Variants in ATXN3 observed in about 807,000 individuals in gnomAD.
ATXN3 encodes the protein ataxin-3.
In ATXN3, 28 loss-of-function variants were observed where a neutral mutation model predicts 58.2. The observed-to-expected ratio is 0.48, with a 90% CI of 0.36 to 0.66. The LOEUF (loss-of-function observed/expected upper bound fraction) is 0.66, where lower values mean the gene tolerates loss of function less well. ATXN3 is among the 30% of genes least tolerant of loss of function. The pLI, the probability that ATXN3 is intolerant of heterozygous loss-of-function variation, is 0.00. For missense variants in ATXN3, 321 were observed against 422.1 expected (o/e 0.76, Z 2.10); for synonymous variants, 113 against 138.5 (o/e 0.82, Z 1.29).
At chr14:92,055,261 T>C (rs1024002012), downstream of ATXN3, among the ~76,000 whole-genome samples, 2 of 152,206 alleles carry the variant, frequency 1.3e-5, no homozygotes, top group Non-Finnish European at 2.9e-5. The surrounding 1 kb of genome is among the most constrained non-coding windows in gnomAD (Gnocchi z 4.5). Flanking sequence ...TGTGGGTTTA[T>C]ATATTTTTCT....
Position 92,080,956 on chromosome 14 carries a change from C to A in ATXN3, c.872+9G>T. The A allele has an allele frequency of 6.3e-7, 1 of 1,588,074 alleles. No homozygotes were observed. ...AACATGCTACTTTAACTTGTACCAACTACTTTACTTTTCAAAGTAGGCTTC... is the reference window on the plus strand; with the variant it reads ...AACATGCTACTTTAACTTGTACCAAATACTTTACTTTTCAAAGTAGGCTTC... On this transcript the variant is annotated intron_variant, in intron 9 of 10. Transcript: ENST00000644486.
intron 3 of ATXN3, 26 bp downstream of exon 3, chr14:92,096,066 AC>A: frequency 2.0e-6 from 3 of 1,531,494 alleles, no homozygotes; most frequent in Non-Finnish European, 2.7e-6. Flanking sequence ...TGTAAGCAAC[AC>A]ATAGTACATG....
At chr14:92,066,601 G>GTTTTTTTTTTTTTTTTTT (rs66941473) in intron 10 of ATXN3, among the ~76,000 whole-genome samples, 1 of 107,022 alleles carries the variant, frequency 9.3e-6, no homozygotes, top group Non-Finnish European at 1.8e-5. Context: ...TTTTTTTCTT[G>GTTTTTTTTTTTTTTTTTT]TTTTTTTTTT....
At chr14:92,051,235 G>A (rs1056774072), upstream of ATXN3, among the ~76,000 whole-genome samples, 2 of 152,126 alleles carry the variant, frequency 1.3e-5, no homozygotes, top group African/African-American at 4.8e-5. Flanking sequence ...TAAGTCAAAT[G>A]TTGTACCAAG....
upstream of ATXN3, among the ~76,000 whole-genome samples, chr14:92,051,707 T>TC (rs2057448396): frequency 7.1e-6 from 1 of 140,742 alleles, no homozygotes; most frequent in South Asian, 2.3e-4. Context: ...TTTCTTTTCT[T>TC]CTTTTCCTTT....
intron 9 of ATXN3, among the ~76,000 whole-genome samples, chr14:92,071,889 T>A (rs1203263310): frequency 1.3e-5 from 2 of 152,216 alleles, no homozygotes; most frequent in African/African-American, 2.4e-5. Flanking sequence ...CACTTCATTT[T>A]AATTCTCAGC....
chr14:92,065,410 A>G (rs1408011954), intron 10 of ATXN3, among the ~76,000 whole-genome samples: 1 of 152,212 alleles, frequency 6.6e-6, no homozygotes, highest in Non-Finnish European at 1.5e-5. Context: ...TGCTATAAAC[A>G]TTCATGTACA....
chr14:92,057,447 G>A (rs555892508), downstream of ATXN3, among the ~76,000 whole-genome samples: 1 of 145,618 alleles, frequency 6.9e-6, no homozygotes, highest in South Asian at 2.4e-4. Context: ...GGGGGCGCGG[G>A]GGTGGACATG....
chr14:92,062,553 A>C lies in ATXN3; in HGVS notation c.*1767T>G, dbSNP rs962159753. The C allele has an allele frequency of 6.6e-6, 1 of 152,236 alleles. No homozygotes were observed. Among genetic ancestry groups the C allele is most frequent in the African/African-American group, 2.4e-5 (1 of 41,476 alleles). The allele number at this position is 152,236 out of a possible 1,614,324, so 9.4% of individuals were successfully genotyped here. A position where few individuals can be genotyped will look rare whatever the true frequency, so the allele number is the denominator to read the frequency against. On this transcript the variant is annotated 3_prime_UTR_variant, in exon 11 of 11. Transcript: ENST00000644486. ...TCAGTCTTAAAATATTTAGCTTTTT[A>C]AATCTTGAGGGAGTAGTACTAAACT...
At chr14:92,093,464 A>G (rs1203524073) in intron 4 of ATXN3, 146 bp from the exon 5 acceptor site, 1 of 628,934 alleles carries the variant, frequency 1.6e-6, no homozygotes, top group Non-Finnish European at 2.8e-6. Flanking sequence ...TCACACAACC[A>G]TATGAACGTC....
At chr14:92,090,302 T>TA (rs1168239360) in intron 5 of ATXN3, 6 of 152,046 alleles carry the variant, frequency 3.9e-5, no homozygotes, top group Admixed American at 3.9e-4. Context: ...GAAGGGGTCT[T>TA]ACACTATGTT....
chr14:92,094,128 G>C (rs1454279397), intron 3 of ATXN3, among the ~76,000 whole-genome samples: 1 of 152,004 alleles, frequency 6.6e-6, no homozygotes, highest in Non-Finnish European at 1.5e-5. Context: ...TTTTAGTAGA[G>C]ACAGGGTTTC....
intron 1 of ATXN3, among the ~76,000 whole-genome samples, chr14:92,098,353 C>T (rs1434199265): frequency 1.3e-5 from 2 of 152,004 alleles, no homozygotes; most frequent in South Asian, 2.1e-4. Flanking sequence ...TTTGGGAGGC[C>T]GAGGTGGGTG....
chr14:92,075,081 G>A (rs1035709141), intron 9 of ATXN3, among the ~76,000 whole-genome samples: 11 of 151,376 alleles, frequency 7.3e-5, no homozygotes, highest in Non-Finnish European at 1.5e-4. Context: ...CAGATTTAGA[G>A]ACTACTGCTG....
downstream of ATXN3, among the ~76,000 whole-genome samples, chr14:92,054,092 C>T (rs7152070): frequency 0.016 from 2,463 of 152,272 alleles, 38 homozygotes; most frequent in Non-Finnish European, 0.025. Context: ...ACACCAACCA[C>T]GCCTGGCTAA....
At position 92,082,328 on chromosome 14, in the gene ATXN3, G is replaced by A. The variant is rs763802729; in HGVS notation, c.747C>T (p.Leu249=). The A allele has an allele frequency of 2.1e-5, 34 of 1,614,054 alleles. No individual in the cohort carries two copies. In the Admixed American group the frequency reaches 5.7e-4, roughly 27 times the overall value. ...EIDMEDEEAD[L]RRAIQLSMQG... ...GCATACTTAGCTGAATAGCCCTGCG[G>A]AGATCTGCTTCCTCATCTTCCATGT... is the stretch of plus-strand genomic sequence containing the variant. Residue 249 remains leucine (L), a synonymous_variant, in exon 8 of 11, where the codon CTC becomes CTT. Coordinates refer to ENST00000644486, the MANE Select transcript of ATXN3 (RefSeq NM_004993.6).
chr14:92,067,483 G>T (rs140568543), intron 10 of ATXN3, among the ~76,000 whole-genome samples: 1 of 152,100 alleles, frequency 6.6e-6, no homozygotes, highest in East Asian at 1.9e-4. Context: ...TGCAACCTCC[G>T]TCTCCCAGGT....
chr14:92,049,955 A>C (rs1266589803), upstream of ATXN3: 1 of 152,230 alleles, frequency 6.6e-6, no homozygotes, highest in Non-Finnish European at 1.5e-5. Context: ...AGAAAATTAG[A>C]AGGCAGGCAA....
In ATXN3 at chr14:92,062,466, G is replaced by A. The variant is rs1315448885; in HGVS notation, c.*1854C>T. ...TTAATGTAACTTTTCAATGGAAAAAGGTAATGAACAAATATCCATGGAAAA... is the reference window on the plus strand; with the variant it reads ...TTAATGTAACTTTTCAATGGAAAAAAGTAATGAACAAATATCCATGGAAAA... On this transcript the variant is annotated 3_prime_UTR_variant, in exon 11 of 11. Transcript: ENST00000644486. 2 of 152,058 alleles carry A rather than the reference G, an allele frequency of 1.3e-5. No individual in the cohort carries two copies. Among genetic ancestry groups the A allele is most frequent in the East Asian group, 3.8e-4 (2 of 5,200 alleles). 9.4% of individuals were successfully genotyped at this position (152,058 alleles called of 1,614,324 possible).
Sources: gnomAD v4.1 joint callset for allele counts (sites outside exome capture counted in the v4.1 genomes callset) on GRCh38, gnomAD v4.1.1 for gene constraint, Gnocchi (gnomAD v3.1) non-coding constraint, MANE v1.5 for transcripts, NCBI Gene and HGNC (gene_info 2026-07-23, HGNC 2026-07-21) for gene names.